The following CHD9 variants were observed in gnomAD, a reference collection of about 807,000 sequenced individuals.
The protein encoded by CHD9 is chromodomain helicase DNA binding protein 9, also known as ATP-dependent chromatin remodeler CHD9.
CHD9 carries 77 observed loss-of-function variants against 316.1 expected under a neutral mutation model. The ratio of observed to expected loss-of-function variants is 0.24; its 90% CI spans 0.20 to 0.29. The LOEUF (loss-of-function observed/expected upper bound fraction) is 0.29, where lower values mean the gene tolerates loss of function less well. Ranked by LOEUF, CHD9 falls within the 10% of genes least tolerant of loss-of-function variation. CHD9 has a pLI of 1.00. For missense variants in CHD9, 2,763 were observed against 3,438.1 expected, an observed-to-expected ratio of 0.80 and a Z score of 4.91; for synonymous variants, 1,129 against 1,158.3, an observed-to-expected ratio of 0.97 and a Z score of 0.51.
chr16:53,165,176 C>A (rs1404403996), intron 2 of CHD9, among the ~76,000 whole-genome samples: 1 of 152,094 alleles, frequency 6.6e-6, no homozygotes, highest in Non-Finnish European at 1.5e-5. Flanking sequence ...TTAGATATGT[C>A]ACAGAAAGAA....
chr16:53,154,124 T>C (rs1219385055), intron 1 of CHD9, among the ~76,000 whole-genome samples: 1 of 152,232 alleles, frequency 6.6e-6, no homozygotes, highest in Non-Finnish European at 1.5e-5. Flanking sequence ...CATATTAATT[T>C]AATATTAACA....
chr16:53,261,564 A>T (rs932094255), intron 19 of CHD9, among the ~76,000 whole-genome samples: 7 of 151,922 alleles, frequency 4.6e-5, no homozygotes, highest in Admixed American at 1.3e-4. Flanking sequence ...TATTACAGAG[A>T]TGGGGTCTCA....
intron 2 of CHD9, among the ~76,000 whole-genome samples, chr16:53,159,127 A>T (rs1014193326): frequency 6.6e-6 from 1 of 152,036 alleles, no homozygotes; most frequent in African/African-American, 2.4e-5. Context: ...ATACATTTTT[A>T]AAAAATTAGC....
intron 2 of CHD9, among the ~76,000 whole-genome samples, chr16:53,183,778 A>ACAATG (rs2043737946): frequency 1.3e-5 from 2 of 152,026 alleles, no homozygotes; most frequent in Admixed American, 1.3e-4. Context: ...ACAATACAAT[A>ACAATG]CAATGCAATA....
chr16:53,113,554 A>T (rs995347048), intron 1 of CHD9, among the ~76,000 whole-genome samples: 2 of 151,472 alleles, frequency 1.3e-5, no homozygotes, highest in Non-Finnish European at 2.9e-5. Flanking sequence ...GTCATGATGC[A>T]CCCGCCTCAG....
At chr16:53,130,309 C>T (rs543714986) in intron 1 of CHD9, among the ~76,000 whole-genome samples, 28 of 152,326 alleles carry the variant, frequency 1.8e-4, no homozygotes, top group African/African-American at 6.3e-4. Context: ...GAACGTGGGA[C>T]TAAATCCACG....
intron 4 of CHD9, 91 bp from the exon 5 acceptor site, chr16:53,226,275 T>C: frequency 1.3e-6 from 1 of 765,418 alleles, no homozygotes; most frequent in Non-Finnish European, 2.0e-6. Flanking sequence ...GAAAATTTAA[T>C]ATACAAAATT....
intron 2 of CHD9, among the ~76,000 whole-genome samples, chr16:53,175,546 C>T (rs1450403412): frequency 6.6e-6 from 1 of 152,320 alleles, no homozygotes; most frequent in South Asian, 2.1e-4. Flanking sequence ...AATCGGAAGA[C>T]ATACATCATT....
intron 27 of CHD9, among the ~76,000 whole-genome samples, chr16:53,288,264 C>T (rs2054050356): frequency 6.6e-6 from 1 of 152,160 alleles, no homozygotes; most frequent in Non-Finnish European, 1.5e-5. Flanking sequence ...TGCCCACCTG[C>T]TCTACTTCTT....
rs2057029286 is a variant in CHD9, at chr16:53,318,336, G to A, written c.7709G>A (p.Arg2570Lys). ...CAACTGATTAACAGAAGAAATGCTA[G>A]AAAGGTATTTTAATGTTTTTTTCTT... is the stretch of plus-strand genomic sequence containing the variant. Reference protein sequence around the residue: ...RVQLINRRNARKVGGAFAPPL... With the variant: ...RVQLINRRNAKKVGGAFAPPL... Residue 2570 changes from arginine (R) to lysine (K), a missense_variant, in exon 37 of 39, where the codon AGA becomes AAA. Around this residue, in one of 15 missense-constraint regions of CHD9, gnomAD observed 19 missense variants for 44.5 expected, o/e 0.43. Coordinates refer to ENST00000447540, the MANE Select transcript of CHD9 (RefSeq NM_001308319.2). The A allele has an allele frequency of 1.3e-6, 2 of 1,595,174 alleles. No homozygotes were observed. Among genetic ancestry groups the A allele is most frequent in the Non-Finnish European group, 1.7e-6 (2 of 1,173,036 alleles).
At chr16:53,105,614 AG>A (rs1567331774) in intron 1 of CHD9, among the ~76,000 whole-genome samples, 1 of 152,156 alleles carries the variant, frequency 6.6e-6, no homozygotes, top group Non-Finnish European at 1.5e-5. Flanking sequence ...ATTATTCCAT[AG>A]GAGAGTTTTC....
intron 33 of CHD9, among the ~76,000 whole-genome samples, 157 bp downstream of exon 33, chr16:53,308,110 G>T (rs2056148826): frequency 6.6e-6 from 1 of 152,138 alleles, no homozygotes; most frequent in Non-Finnish European, 1.5e-5. Context: ...TATTAAACTT[G>T]AATATTCTAC....
intron 1 of CHD9, among the ~76,000 whole-genome samples, chr16:53,132,786 A>G (rs1252840693): frequency 7.0e-6 from 1 of 143,748 alleles, no homozygotes; most frequent in Non-Finnish European, 1.5e-5. Flanking sequence ...CATTTCTTCT[A>G]ATTCTGCTTT....
intron 1 of CHD9, among the ~76,000 whole-genome samples, chr16:53,091,808 T>G (rs2035967423): frequency 6.6e-6 from 1 of 152,080 alleles, no homozygotes; most frequent in Admixed American, 6.5e-5. Context: ...ATTTTCCCTC[T>G]CTCCTTCCTC....
intron 1 of CHD9, among the ~76,000 whole-genome samples, chr16:53,087,196 G>A (rs2035533582): frequency 6.6e-6 from 1 of 152,168 alleles, no homozygotes; most frequent in Admixed American, 6.5e-5. Flanking sequence ...GAGGTGGTGA[G>A]CCATTAAGGG....
chr16:53,321,469 A>C (rs2057269540), intron 37 of CHD9, 57 bp from the exon 38 acceptor site: 26 of 1,465,210 alleles, frequency 1.8e-5, no homozygotes, highest in Non-Finnish European at 2.3e-5. Flanking sequence ...CAATAAAAGC[A>C]ATCAAGAGTT....
intron 1 of CHD9, among the ~76,000 whole-genome samples, chr16:53,059,330 A>G (rs1356027768): frequency 6.6e-6 from 1 of 151,712 alleles, no homozygotes; most frequent in Non-Finnish European, 1.5e-5. Context: ...GTGGCTGGGC[A>G]CAGTGGCATA....
chr16:53,274,443 G>T (rs1292692001), intron 24 of CHD9, 141 bp downstream of exon 24: 8 of 448,848 alleles, frequency 1.8e-5, no homozygotes, highest in Non-Finnish European at 3.1e-5. Flanking sequence ...TGGCTTAAAT[G>T]ATATATTTAT....
In CHD9 at chr16:53,303,872, G is replaced by A; in HGVS notation, c.5866G>A (p.Asp1956Asn). 6.2e-7 allele frequency: 1 copy of A among 1,613,964 alleles called. No homozygotes were observed. The highest frequency in any genetic ancestry group is 8.5e-7 in the Non-Finnish European group (1 of 1,179,880). Reference protein sequence around the residue: ...ERLKLCHPNPDLPVWWECGPH... With the variant: ...ERLKLCHPNPNLPVWWECGPH... ...CTTGAAGCTTTGCCATCCAAATCCAGATTTACCAGTCTGGTGGGAATGTGG... is the reference window on the plus strand; with the variant it reads ...CTTGAAGCTTTGCCATCCAAATCCAAATTTACCAGTCTGGTGGGAATGTGG... The change falls in exon 31 of 39, where the codon GAT becomes AAT. Residue 1956 changes from aspartate to asparagine, a missense_variant. Physicochemically the swap from Asp to Asn is conservative, Grantham distance 23 (BLOSUM62 1). Around this residue, in one of 15 missense-constraint regions of CHD9, gnomAD observed 663 missense variants for 751.2 expected, o/e 0.88. Coordinates refer to ENST00000447540, the MANE Select transcript of CHD9 (RefSeq NM_001308319.2).
Sources: gnomAD v4.1 joint callset for allele counts (sites outside exome capture counted in the v4.1 genomes callset) on GRCh38, gnomAD v4.1.1 for gene constraint, gnomAD v4.1.1 regional missense constraint, MANE v1.5 for transcripts, NCBI Gene and HGNC (gene_info 2026-07-23, HGNC 2026-07-21) for gene names.